Variants in FRMD6 observed in about 807,000 individuals in gnomAD.
FRMD6 encodes the protein FERM domain containing 6, also known as FERM domain-containing protein 6.
A neutral mutation model predicts 73.2 loss-of-function variants in FRMD6; 37 were observed. The observed-to-expected ratio is 0.51, with a 90% confidence interval of 0.39 to 0.66. FRMD6 has a LOEUF of 0.66. Among genes scored for constraint, FRMD6 ranks in the 30% least tolerant of loss-of-function variants. FRMD6 has a pLI of 0.00. For missense variants in FRMD6, 714 were observed against 780.5 expected (o/e 0.91, Z 1.02); for synonymous variants, 273 against 282.2 (o/e 0.97, Z 0.33).
At chr14:51,492,917 G>T (rs147970319) in intron 1 of FRMD6, among the ~76,000 whole-genome samples, 12 of 152,236 alleles carry the variant, frequency 7.9e-5, no homozygotes, top group Middle Eastern at 3.4e-3. Flanking sequence ...TCCATGCTGC[G>T]TCCACCATGG....
At chr14:51,705,275 TTAAAAAG>T (rs1026730823) in intron 6 of FRMD6, among the ~76,000 whole-genome samples, 18 of 152,182 alleles carry the variant, frequency 1.2e-4, no homozygotes, top group African/African-American at 4.1e-4. Context: ...ACATAACTCT[TTAAAAAG>T]TAAGATTATT....
chr14:51,701,472 G>GTA (rs200645576), intron 4 of FRMD6, among the ~76,000 whole-genome samples: 176 of 141,170 alleles, frequency 1.2e-3, no homozygotes, highest in African/African-American at 1.5e-3. Flanking sequence ...GTTCTAAAAT[G>GTA]TATATATATA....
intron 11 of FRMD6, 119 bp from the exon 12 acceptor site, chr14:51,721,830 C>T (rs1897635125): frequency 3.0e-5 from 34 of 1,150,712 alleles, no homozygotes; most frequent in Non-Finnish European, 4.2e-5. Flanking sequence ...ATTGGAGTCT[C>T]ATTAGCAAAT....
At chr14:51,559,807 T>G (rs1410233935) in intron 1 of FRMD6, among the ~76,000 whole-genome samples, 1 of 152,186 alleles carries the variant, frequency 6.6e-6, no homozygotes, top group East Asian at 1.9e-4. Flanking sequence ...TCCCTGAGCC[T>G]GCAAGATTGA....
intron 1 of FRMD6, among the ~76,000 whole-genome samples, chr14:51,537,335 C>T (rs1028470806): frequency 6.6e-6 from 1 of 152,150 alleles, no homozygotes; most frequent in African/African-American, 2.4e-5. Flanking sequence ...GGTTCAATAG[C>T]TCATTTGCTT....
At chr14:51,685,917 A>C (rs1176294820) in intron 1 of FRMD6, among the ~76,000 whole-genome samples, 1 of 152,184 alleles carries the variant, frequency 6.6e-6, no homozygotes, top group African/African-American at 2.4e-5. Flanking sequence ...AGAAGATAGG[A>C]TTCTCTACAA....
intron 13 of FRMD6, 97 bp downstream of exon 13, chr14:51,725,967 C>A: frequency 2.5e-6 from 2 of 788,092 alleles, no homozygotes; most frequent in Non-Finnish European, 4.3e-6. Flanking sequence ...AAATTAAAAA[C>A]CCTAAGGAAA....
chr14:51,422,939 A>T, the FRMD6 span, among the ~76,000 whole-genome samples: 2 of 152,210 alleles, frequency 1.3e-5, no homozygotes, highest in African/African-American at 4.8e-5. Flanking sequence ...ATGTGAGCAG[A>T]AGTGATGTAT....
At chr14:51,482,937 C>T in the FRMD6 span, among the ~76,000 whole-genome samples, 2 of 152,054 alleles carry the variant, frequency 1.3e-5, no homozygotes, top group South Asian at 2.1e-4. Context: ...CTCCTGACCT[C>T]GTGATCTACC....
chr14:51,680,170 C>G (rs1894700607), intron 1 of FRMD6, among the ~76,000 whole-genome samples: 1 of 152,202 alleles, frequency 6.6e-6, no homozygotes, highest in Admixed American at 6.5e-5. Flanking sequence ...GGAGAAGGCT[C>G]TGTAACCAGG....
intron 2 of FRMD6, among the ~76,000 whole-genome samples, chr14:51,617,290 A>T (rs1890752971): frequency 2.0e-5 from 3 of 152,166 alleles, no homozygotes; most frequent in Admixed American, 2.0e-4. Context: ...AGATTTTACT[A>T]CTGAACAGCA....
intron 1 of FRMD6, among the ~76,000 whole-genome samples, chr14:51,686,734 C>T (rs1895181685): frequency 6.6e-6 from 1 of 152,040 alleles, no homozygotes; most frequent in Non-Finnish European, 1.5e-5. Context: ...CCTCCTGGGA[C>T]TGAGTTGAGA....
At chr14:51,437,148 C>G in the FRMD6 span, among the ~76,000 whole-genome samples, 3 of 152,174 alleles carry the variant, frequency 2.0e-5, no homozygotes, top group Non-Finnish European at 4.4e-5. Flanking sequence ...CCCCCACCCC[C>G]CGACAGGCCC....
chr14:51,511,254 G>T (rs1274304793), intron 1 of FRMD6, among the ~76,000 whole-genome samples: 3 of 152,174 alleles, frequency 2.0e-5, no homozygotes, highest in Non-Finnish European at 2.9e-5. Context: ...AGCAGTTTTT[G>T]TACCACTTTC....
At position 51,490,797 on chromosome 14, in the gene FRMD6, A is replaced by T. The variant is rs1882960222; in HGVS notation, c.-210+1377A>T. On this transcript the variant is annotated intron_variant, in intron 1 of 14. Coordinates refer to the FRMD6 transcript ENST00000356218. ...GTACTGACCTACTATAAAAATATGT[A>T]TTGTCTATATATACTTGGGAATGAC... Among the ~76,000 whole-genome samples, 3 of 152,142 alleles carry T rather than the reference A, an allele frequency of 2.0e-5. No individual in the cohort carries two copies. In the South Asian group the frequency reaches 6.2e-4, roughly 31 times the overall value.
At chr14:51,664,624 A>G (rs985421075) in intron 1 of FRMD6, among the ~76,000 whole-genome samples, 2 of 152,244 alleles carry the variant, frequency 1.3e-5, no homozygotes, top group East Asian at 3.8e-4. Flanking sequence ...GCTAATTTAG[A>G]AAATGCCGGA....
At chr14:51,632,609 C>T (rs1026237437) in intron 2 of FRMD6, among the ~76,000 whole-genome samples, 1 of 152,140 alleles carries the variant, frequency 6.6e-6, no homozygotes, top group African/African-American at 2.4e-5. Flanking sequence ...CAGTTCTCTC[C>T]ATCTCACCCC....
chr14:51,419,901 T>C, the FRMD6 span, among the ~76,000 whole-genome samples: 3 of 152,134 alleles, frequency 2.0e-5, no homozygotes, highest in African/African-American at 7.2e-5. Context: ...TGTGACTTCC[T>C]GCCCTTGTTA....
At chr14:51,663,158 CTG>C (rs555338660) in intron 1 of FRMD6, among the ~76,000 whole-genome samples, 7 of 152,186 alleles carry the variant, frequency 4.6e-5, no homozygotes, top group Non-Finnish European at 7.3e-5. Flanking sequence ...TGCTTATACA[CTG>C]TTTGTGGGAG....
Sources: gnomAD v4.1 joint callset for allele counts (sites outside exome capture counted in the v4.1 genomes callset) on GRCh38, gnomAD v4.1.1 for gene constraint, MANE v1.5 for transcripts, NCBI Gene and HGNC (gene_info 2026-07-23, HGNC 2026-07-21) for gene names.